The following MYBPC2 variants were observed in gnomAD, a reference collection of about 807,000 sequenced individuals.
The protein encoded by MYBPC2 is myosin-binding protein C, fast-type.
In MYBPC2, 122 loss-of-function variants were observed where a neutral mutation model predicts 137.0. The ratio of observed to expected loss-of-function variants is 0.89; its 90% CI spans 0.77 to 1.03. MYBPC2 has a LOEUF of 1.03. Among genes scored for constraint, MYBPC2 ranks in the 50% least tolerant of loss-of-function variants. The pLI is 0.00. For missense variants in MYBPC2, 1,500 were observed against 1,534.4 expected (o/e 0.98, Z 0.37); for synonymous variants, 626 against 612.3 (o/e 1.02, Z -0.33).
chr19:50,465,801 C>T lies in MYBPC2; in HGVS notation c.3416-394C>T, dbSNP rs1460657760. Among the ~76,000 whole-genome samples, 1 of 152,158 alleles carries T rather than the reference C, an allele frequency of 6.6e-6. No homozygotes were observed. The highest frequency in any genetic ancestry group is 1.5e-5 in the Non-Finnish European group (1 of 68,024). Reference sequence around the variant, plus strand: ...CCGAGGCTGCAGTGAGCTGAGATGGCACCACTGCACTCCAGCCTGGTGCAA... The same window carrying T: ...CCGAGGCTGCAGTGAGCTGAGATGGTACCACTGCACTCCAGCCTGGTGCAA... On this transcript the variant is annotated intron_variant, in intron 27 of 27. Transcript: ENST00000357701. The surrounding 1 kb of genome is among the most constrained non-coding windows in gnomAD (Gnocchi z 4.5).
chr19:50,440,848 T>G (rs766500614), intron 7 of MYBPC2, 32 bp from the exon 8 acceptor site: 63 of 1,589,242 alleles, frequency 4.0e-5, no homozygotes, highest in Non-Finnish European at 5.1e-5. Context: ...CCTCACTCCC[T>G]GATGGCCCCT....
Position 50,451,283 on chromosome 19 carries a change from TCAAGGTGGAGTACGTTC to T in MYBPC2, c.1585_1601del (p.Lys529GlnfsTer31). ...TCCAGTCTTCTTTGTCTTGCAGAAA[TCAAGGTGGAGTACGTTC>T]CCAAGCAAGGTGAGCACCACGGGCT... On this transcript the variant is annotated frameshift_variant, in exon 15 of 28. Transcript: ENST00000357701. LOFTEE classifies it high-confidence loss of function. 6.2e-7 allele frequency: 1 copy of T among 1,613,292 alleles called. No individual in the cohort carries two copies. Among genetic ancestry groups the T allele is most frequent in the East Asian group, 2.2e-5 (1 of 44,852 alleles).
intron 23 of MYBPC2, 125 bp from the exon 24 acceptor site, chr19:50,459,915 C>T: frequency 7.3e-7 from 1 of 1,361,240 alleles, no homozygotes; most frequent in Non-Finnish European, 1.0e-6. Flanking sequence ...AGGCCATAGG[C>T]AGGAATGGGA....
At position 50,435,929 on chromosome 19, in the gene MYBPC2, G is replaced by C; in HGVS notation, c.196+67G>C. ...CTGGGTCTGAGGGAGGAGGGGCCAG[G>C]GTCTCGTTCTGTCTCCCTCTGGAGA... On this transcript the variant is annotated intron_variant, in intron 3 of 27. Transcript: ENST00000357701. This position sits in a 1 kb window ranked among gnomAD's most constrained non-coding sequence, Gnocchi z 4.8. 1.3e-6 allele frequency: 2 copies of C among 1,548,298 alleles called. No individual in the cohort carries two copies. The highest frequency in any genetic ancestry group is 1.7e-6 in the Non-Finnish European group (2 of 1,143,386).
intron 26 of MYBPC2, among the ~76,000 whole-genome samples, chr19:50,462,733 T>A (rs10408774): frequency 0.56 from 84,622 of 151,860 alleles, 24,094 homozygotes; most frequent in South Asian, 0.68. Flanking sequence ...TGCACCACCA[T>A]GCCCAGCTAA....
chr19:50,454,479 G>A, intron 18 of MYBPC2, 110 bp downstream of exon 18: 2 of 958,162 alleles, frequency 2.1e-6, no homozygotes, highest in Non-Finnish European at 3.0e-6. Context: ...AGGCTGGAGT[G>A]CAGTGGCTCA....
In MYBPC2 at chr19:50,465,465, G is replaced by A. The variant is rs1023713036; in HGVS notation, c.3416-730G>A. On this transcript the variant is annotated intron_variant, in intron 27 of 27. Transcript: ENST00000357701. The surrounding 1 kb of genome is among the most constrained non-coding windows in gnomAD (Gnocchi z 4.5). ...GGACTTCCAGAGTCCCTCCCGGATGGTGACTTCTGACCTCTGACTTCCCTG... is the reference window on the plus strand; with the variant it reads ...GGACTTCCAGAGTCCCTCCCGGATGATGACTTCTGACCTCTGACTTCCCTG... 1.3e-5 allele frequency among the ~76,000 whole-genome samples: 2 copies of A among 152,172 alleles called. No individual in the cohort carries two copies. Among genetic ancestry groups the A allele is most frequent in the East Asian group, 3.9e-4 (2 of 5,184 alleles).
intron 1 of MYBPC2, among the ~76,000 whole-genome samples, chr19:50,434,520 T>G (rs540286817): frequency 9.1e-4 from 139 of 152,302 alleles, no homozygotes; most frequent in African/African-American, 3.2e-3. Context: ...CACTGAGGCT[T>G]CCCCGTGTAG....
intron 13 of MYBPC2, among the ~76,000 whole-genome samples, chr19:50,450,499 G>T (rs2039845768): frequency 6.6e-6 from 1 of 152,066 alleles, no homozygotes; most frequent in South Asian, 2.1e-4. Context: ...GAACTCCTGG[G>T]CTCAAACAAT....
rs770928854 is a variant in MYBPC2 at position 50,459,221 on chromosome 19, G to T, written c.2706G>T (p.Ala902=). 11 of 1,611,038 alleles carry T rather than the reference G, an allele frequency of 6.8e-6. No individual in the cohort carries two copies. The highest frequency in any genetic ancestry group is 1.6e-4 in the Middle Eastern group (1 of 6,080). Residue 902 remains alanine (A), a synonymous_variant, in exon 23 of 28, where the codon GCG becomes GCT. Transcript: ENST00000357701. ...DFDTVFFVRQ[A]ARSDSGEYEL... ...ACACCGTGTTCTTCGTGCGCCAGGC[G>T]GCCCGCTCCGACTCCGGGGAGTACG... is the stretch of plus-strand genomic sequence containing the variant.
Position 50,445,975 on chromosome 19 carries a change from A to T in MYBPC2, c.1229A>T (p.Asp410Val). The T allele has an allele frequency of 6.2e-7, 1 of 1,613,340 alleles. No individual in the cohort carries two copies. The change falls in exon 12 of 28, where the codon GAC becomes GTC. Residue 410 changes from aspartate (D) to valine (V), a missense_variant. Coordinates refer to ENST00000357701, the MANE Select transcript of MYBPC2 (RefSeq NM_004533.4). ...DGKRHILIFS[D>V]VVQEDRGRYQ... ...AAGCGCCACATCCTCATCTTCTCAG[A>T]CGTGGTCCAGGAGGACAGGGGTCGC...
At chr19:50,440,779 G>A in intron 7 of MYBPC2, 101 bp from the exon 8 acceptor site, 1 of 1,208,018 alleles carries the variant, frequency 8.3e-7, no homozygotes, top group Middle Eastern at 2.3e-4. Flanking sequence ...CTAAAGGGAA[G>A]GTGGCTTGGG....
intron 1 of MYBPC2, among the ~76,000 whole-genome samples, chr19:50,434,463 CA>C (rs2039684154): frequency 6.6e-6 from 1 of 152,204 alleles, no homozygotes; most frequent in African/African-American, 2.4e-5. Context: ...CATGGAGTCA[CA>C]GGGGAAGTCT....
At position 50,436,603 on chromosome 19, in the gene MYBPC2, G is replaced by A. The variant is rs369163990; in HGVS notation, c.346-14G>A. On this transcript the variant is annotated splice_polypyrimidine_tract_variant and intron_variant, in intron 4 of 27. Coordinates refer to ENST00000357701, the MANE Select transcript of MYBPC2 (RefSeq NM_004533.4). ...GGTGGTCCCGTGCACCCACACCCCC[G>A]GCCCTGGACCCAGGTGTACACCGTG... is the stretch of plus-strand genomic sequence containing the variant. 1.9e-5 allele frequency: 30 copies of A among 1,610,462 alleles called. No homozygotes were observed. Among genetic ancestry groups the A allele is most frequent in the Middle Eastern group, 1.6e-4 (1 of 6,062 alleles).
At chr19:50,451,007 C>A in intron 14 of MYBPC2, 72 bp downstream of exon 14, 2 of 1,380,762 alleles carry the variant, frequency 1.4e-6, no homozygotes, top group Non-Finnish European at 2.0e-6. Flanking sequence ...CCGGGATGTC[C>A]CTCTCCAGGA....
rs1040548079 is a variant in MYBPC2, at chr19:50,440,929, C to G, written c.622C>G (p.Leu208Val). Residue 208 changes from leucine to valine, a missense_variant, in exon 8 of 28, where the codon CTA (leucine) becomes GTA (valine). Transcript: ENST00000357701. ...KKKKKKDDDD[L>V]GIPPEIWELL... ...GAAGAAAAAGAAAGATGACGATGAC[C>G]TAGGCATCCCCCCGGAGATTTGGGA... is the stretch of plus-strand genomic sequence containing the variant. 2 of 1,613,726 alleles carry G rather than the reference C, an allele frequency of 1.2e-6. No individual in the cohort carries two copies. Among genetic ancestry groups the G allele is most frequent in the South Asian group, 1.1e-5 (1 of 91,038 alleles).
chr19:50,460,163 C>A lies in MYBPC2; in HGVS notation c.2915C>A (p.Ala972Glu), dbSNP rs761904901. The A allele has an allele frequency of 1.9e-6, 3 of 1,600,398 alleles. No individual in the cohort carries two copies. Among genetic ancestry groups the A allele is most frequent in the Admixed American group, 1.7e-5 (1 of 57,530 alleles). Residue 972 changes from alanine to glutamate, a missense_variant, in exon 24 of 28, where the codon GCA becomes GAA. Physicochemically the swap from Ala to Glu is moderately radical, Grantham distance 107. Transcript: ENST00000357701. ...SEIMGYFVQKADKKTMEWFNV... is the reference protein window; with the variant it reads ...SEIMGYFVQKEDKKTMEWFNV... ...ATCATGGGGTATTTCGTCCAGAAAG[C>A]AGACAAAAAAACCATGGTGAGAGAG...
chr19:50,434,384 A>G (rs1054331003), intron 1 of MYBPC2, among the ~76,000 whole-genome samples: 3 of 152,136 alleles, frequency 2.0e-5, no homozygotes, highest in Non-Finnish European at 4.4e-5. Context: ...AACAAAAAAT[A>G]GATTCCAAGG....
At chr19:50,458,874 C>G in intron 21 of MYBPC2, 44 bp from the exon 22 acceptor site, 2 of 1,592,688 alleles carry the variant, frequency 1.3e-6, no homozygotes, top group Non-Finnish European at 8.6e-7. Context: ...CTGGAATGCG[C>G]CCCGGCCCCC....
Sources: gnomAD v4.1 joint callset for allele counts (sites outside exome capture counted in the v4.1 genomes callset) on GRCh38, gnomAD v4.1.1 for gene constraint, Gnocchi (gnomAD v3.1) non-coding constraint, MANE v1.5 for transcripts, NCBI Gene and HGNC (gene_info 2026-07-23, HGNC 2026-07-21) for gene names.